The following NRXN3 variants were observed in gnomAD, a reference collection of about 807,000 sequenced individuals.
NRXN3 encodes the protein neurexin 3.
Under a neutral mutation model 137.6 loss-of-function variants are expected in NRXN3, and 32 were observed. That is an observed-to-expected ratio of 0.23 (90% CI 0.18 to 0.31). NRXN3 has a LOEUF of 0.31. Among genes scored for constraint, NRXN3 ranks in the 10% least tolerant of loss-of-function variants. The pLI is 1.00. For missense variants in NRXN3, 1,574 were observed against 2,062.5 expected (o/e 0.76, Z 4.59); for synonymous variants, 798 against 784.5 (o/e 1.02, Z -0.29).
At chr14:78,858,181 G>A (rs1042438032) in intron 10 of NRXN3, among the ~76,000 whole-genome samples, 7 of 152,116 alleles carry the variant, frequency 4.6e-5, no homozygotes, top group Non-Finnish European at 8.8e-5. Context: ...ACAGGCCGGT[G>A]GTGCTGGTAA....
At chr14:78,916,039 A>G (rs1298726267) in intron 10 of NRXN3, among the ~76,000 whole-genome samples, 1 of 152,108 alleles carries the variant, frequency 6.6e-6, no homozygotes, top group Admixed American at 6.5e-5. Flanking sequence ...AGAAATTCTC[A>G]TCTTGGGAGT....
chr14:79,520,924 C>A (rs1181850542), intron 16 of NRXN3, among the ~76,000 whole-genome samples: 1 of 152,078 alleles, frequency 6.6e-6, no homozygotes, highest in African/African-American at 2.4e-5. Flanking sequence ...TGGGTATATA[C>A]CCAAAGGATT....
chr14:78,737,957 T>G (rs566618551), intron 8 of NRXN3, among the ~76,000 whole-genome samples: 48 of 152,222 alleles, frequency 3.2e-4, no homozygotes, highest in African/African-American at 1.0e-3. Context: ...GGAGGTAACA[T>G]CTTGTACAAC....
rs1220735969 is a variant in NRXN3, at chr14:78,464,310, C to A, written c.757+166450C>A. On this transcript the variant is annotated intron_variant, in intron 4 of 20. Coordinates refer to ENST00000335750, the MANE Select transcript of NRXN3 (RefSeq NM_001330195.2). Reference sequence around the variant, plus strand: ...ACCTCAGGTGATCCGCCTGTCTCGGCCTTCCAAAGTGCTGGGATTATAGGC... The same window carrying A: ...ACCTCAGGTGATCCGCCTGTCTCGGACTTCCAAAGTGCTGGGATTATAGGC... Among the ~76,000 whole-genome samples the A allele has an allele frequency of 3.3e-5, 5 of 152,192 alleles. No homozygotes were observed. The East Asian group carries it at 5.8e-4, about 18-fold the overall frequency.
chr14:79,053,204 G>A (rs1027444977), intron 15 of NRXN3, among the ~76,000 whole-genome samples: 4 of 152,174 alleles, frequency 2.6e-5, no homozygotes, highest in Non-Finnish European at 1.5e-5. Context: ...CTGAGAATCA[G>A]AGCTAACATT....
chr14:79,216,865 A>T (rs1247297362), intron 15 of NRXN3, among the ~76,000 whole-genome samples: 1 of 152,188 alleles, frequency 6.6e-6, no homozygotes, highest in African/African-American at 2.4e-5. Flanking sequence ...GGCCAGGCAC[A>T]GTGGCTCACG....
At chr14:78,543,876 G>A (rs963816209) in intron 4 of NRXN3, among the ~76,000 whole-genome samples, 2 of 152,114 alleles carry the variant, frequency 1.3e-5, no homozygotes, top group Non-Finnish European at 2.9e-5. Context: ...CCGGAATCAA[G>A]GGTGTGTTTT....
intron 4 of NRXN3, among the ~76,000 whole-genome samples, chr14:78,625,804 T>C (rs17107955): frequency 0.11 from 17,167 of 152,188 alleles, 1,575 homozygotes; most frequent in African/African-American, 0.24. Context: ...TCCATGTGTG[T>C]GTGAGGCTCA....
chr14:78,570,647 G>A (rs1453839002), intron 4 of NRXN3, among the ~76,000 whole-genome samples: 3 of 152,230 alleles, frequency 2.0e-5, no homozygotes, highest in African/African-American at 7.2e-5. Flanking sequence ...AAAGGAGACA[G>A]TCTTCTCAGT....
chr14:78,986,512 A>G (rs1251273238), intron 14 of NRXN3, among the ~76,000 whole-genome samples: 2 of 152,148 alleles, frequency 1.3e-5, no homozygotes, highest in Non-Finnish European at 2.9e-5. Context: ...ATGCCCCCAC[A>G]TGTCAGTAAA....
intron 4 of NRXN3, among the ~76,000 whole-genome samples, chr14:78,300,276 G>A (rs969865508): frequency 6.6e-6 from 1 of 152,182 alleles, no homozygotes; most frequent in African/African-American, 2.4e-5. Flanking sequence ...TAGCTTCTCC[G>A]AGATGTCCCC....
intron 1 of NRXN3, among the ~76,000 whole-genome samples, chr14:78,238,370 G>A (rs1345121411): frequency 6.6e-6 from 1 of 152,216 alleles, no homozygotes; most frequent in African/African-American, 2.4e-5. Flanking sequence ...CAAACCACCT[G>A]TGTGCGTGGC....
At chr14:78,904,715 C>CT (rs1195686554) in intron 10 of NRXN3, among the ~76,000 whole-genome samples, 1 of 151,868 alleles carries the variant, frequency 6.6e-6, no homozygotes, top group Non-Finnish European at 1.5e-5. Flanking sequence ...TGGCTTTGTC[C>CT]TTTTTATCCT....
chr14:78,321,601 A>T (rs190601022), intron 4 of NRXN3, among the ~76,000 whole-genome samples: 1 of 152,110 alleles, frequency 6.6e-6, no homozygotes, highest in Non-Finnish European at 1.5e-5. Flanking sequence ...CATTTCTGAG[A>T]CAGCTGTTGA....
intron 15 of NRXN3, among the ~76,000 whole-genome samples, chr14:79,323,952 A>T (rs2090474712): frequency 6.6e-6 from 1 of 152,232 alleles, no homozygotes; most frequent in African/African-American, 2.4e-5. Context: ...CCCCAGTATG[A>T]GGAGAGATCA....
chr14:78,770,202 T>C (rs1027057704), intron 8 of NRXN3, among the ~76,000 whole-genome samples: 2 of 152,132 alleles, frequency 1.3e-5, no homozygotes, highest in African/African-American at 4.8e-5. Flanking sequence ...CTTTGAACAA[T>C]AAGGACCTCA....
At chr14:79,241,738 A>G (rs2074338915) in intron 15 of NRXN3, among the ~76,000 whole-genome samples, 1 of 152,178 alleles carries the variant, frequency 6.6e-6, no homozygotes, top group African/African-American at 2.4e-5. Context: ...TTTATCTTGT[A>G]CCAGAAACTT....
At chr14:79,228,472 C>T (rs367937425) in intron 15 of NRXN3, among the ~76,000 whole-genome samples, 1 of 152,138 alleles carries the variant, frequency 6.6e-6, no homozygotes, top group Non-Finnish European at 1.5e-5. Context: ...CAATCAGATA[C>T]TTGACTAAGA....
intron 16 of NRXN3, among the ~76,000 whole-genome samples, chr14:79,661,301 C>T (rs746658773): frequency 1.3e-5 from 2 of 152,068 alleles, no homozygotes; most frequent in Non-Finnish European, 2.9e-5. Flanking sequence ...TTTTATATTG[C>T]ATATTATGTA....
Sources: gnomAD v4.1 joint callset for allele counts (sites outside exome capture counted in the v4.1 genomes callset) on GRCh38, gnomAD v4.1.1 for gene constraint, MANE v1.5 for transcripts, NCBI Gene and HGNC (gene_info 2026-07-23, HGNC 2026-07-21) for gene names.